The following LMO7 variants were observed in gnomAD, a reference collection of about 807,000 sequenced individuals.
LMO7 encodes the protein LIM domain 7, also known as LIM domain only protein 7.
LMO7 carries 120 observed loss-of-function variants against 206.5 expected under a neutral mutation model. The observed-to-expected ratio is 0.58, with a 90% CI of 0.50 to 0.68. The LOEUF (loss-of-function observed/expected upper bound fraction) is 0.68. Among genes scored for constraint, LMO7 ranks in the 30% least tolerant of loss-of-function variants. The probability of loss-of-function intolerance (pLI) is 0.00; values close to 1 mark genes in which losing one functional copy is unlikely to be tolerated. For synonymous variants in LMO7, 706 were observed against 681.5 expected (o/e 1.04, Z -0.56); for missense variants, 1,959 against 1,957.9 (o/e 1.00, Z -0.01).
chr13:75,655,249 G>C (rs1208674171), intron 1 of LMO7, among the ~76,000 whole-genome samples: 2 of 152,166 alleles, frequency 1.3e-5, no homozygotes, highest in African/African-American at 2.4e-5. Flanking sequence ...TCTAGCTATA[G>C]AAGTTTCAGA....
intron 3 of LMO7, among the ~76,000 whole-genome samples, chr13:75,734,200 G>A (rs553025271): frequency 3.2e-4 from 48 of 152,258 alleles, no homozygotes; most frequent in African/African-American, 1.1e-3. Context: ...AGGATTTTGT[G>A]TATAAAATAT....
chr13:75,731,887 G>C (rs1248304151), intron 3 of LMO7, among the ~76,000 whole-genome samples: 3 of 151,954 alleles, frequency 2.0e-5, no homozygotes, highest in Non-Finnish European at 4.4e-5. Flanking sequence ...CTTCGCTTAT[G>C]AAGCTTAGTT....
At chr13:75,754,139 A>G (rs988674940) in intron 3 of LMO7, among the ~76,000 whole-genome samples, 5 of 152,208 alleles carry the variant, frequency 3.3e-5, no homozygotes, top group African/African-American at 1.2e-4. Context: ...AAACATTTCT[A>G]ATATTTCAAA....
intron 1 of LMO7, among the ~76,000 whole-genome samples, chr13:75,667,205 A>G (rs1161149692): frequency 2.0e-5 from 3 of 152,094 alleles, no homozygotes; most frequent in African/African-American, 4.8e-5. Context: ...TTTTCTGGTT[A>G]TACTTAGTTT....
chr13:75,679,443 G>T (rs112560554), intron 1 of LMO7, among the ~76,000 whole-genome samples: 31 of 152,290 alleles, frequency 2.0e-4, no homozygotes, highest in African/African-American at 7.5e-4. Context: ...ATGGCGGAAG[G>T]GTGTTTTAGC....
At chr13:75,825,164 T>C (rs2057995612) in intron 15 of LMO7, among the ~76,000 whole-genome samples, 2 of 152,162 alleles carry the variant, frequency 1.3e-5, no homozygotes, top group African/African-American at 2.4e-5. Flanking sequence ...TAAATTATCA[T>C]TACATTTTTA....
chr13:75,726,899 T>C (rs911004726), intron 2 of LMO7, 130 bp from the exon 3 acceptor site: 6 of 651,756 alleles, frequency 9.2e-6, no homozygotes, highest in African/African-American at 7.5e-5. Flanking sequence ...ATTTGCTTTT[T>C]GATGGGCTGT....
chr13:75,830,243 G>C (rs2058532117), intron 15 of LMO7, among the ~76,000 whole-genome samples: 1 of 152,146 alleles, frequency 6.6e-6, no homozygotes, highest in African/African-American at 2.4e-5. Flanking sequence ...ATAATTTACT[G>C]TAAGAACCTG....
At chr13:75,739,353 T>A (rs1321353863) in intron 3 of LMO7, among the ~76,000 whole-genome samples, 1 of 152,226 alleles carries the variant, frequency 6.6e-6, no homozygotes, top group African/African-American at 2.4e-5. Flanking sequence ...GAATTGAGCA[T>A]CTTTCAGATT....
chr13:75,807,193 A>G (rs2055635743), intron 9 of LMO7: 1 of 331,488 alleles, frequency 3.0e-6, no homozygotes, highest in Non-Finnish European at 5.6e-6. Flanking sequence ...TGGGAGGGGT[A>G]CCTAGTCCAT....
chr13:75,817,069 G>T, intron 11 of LMO7, 92 bp from the exon 12 acceptor site: 1 of 811,194 alleles, frequency 1.2e-6, no homozygotes. Context: ...TAGAAATTTA[G>T]GTGGAATTTC....
chr13:75,729,536 A>G (rs1320416302), intron 3 of LMO7, among the ~76,000 whole-genome samples: 37 of 151,858 alleles, frequency 2.4e-4, no homozygotes, highest in African/African-American at 8.7e-4. Context: ...GGCTGAGATG[A>G]TGGGGTTTTC....
chr13:75,680,143 G>T (rs1045429930), intron 1 of LMO7, among the ~76,000 whole-genome samples: 30 of 151,972 alleles, frequency 2.0e-4, no homozygotes, highest in African/African-American at 7.3e-4. Context: ...GTGAGAACAT[G>T]CGGTGTTCAG....
Position 75,841,197 on chromosome 13 carries a change from A to G in LMO7, c.3671A>G (p.Asp1224Gly). The change falls in exon 23 of 31, where the codon GAT becomes GGT. Residue 1224 changes from aspartate (D) to glycine (G), a missense_variant. Coordinates refer to ENST00000377534, the MANE Select transcript of LMO7 (RefSeq NM_001306080.2). ...EAERENSKYLDEELMVLSSNS... is the reference protein window; with the variant it reads ...EAERENSKYLGEELMVLSSNS... Reference sequence around the variant, plus strand: ...GAGAGAGAGAATTCCAAGTACTTGGATGAGGTAGTGTTAGAACATGCCTGT... The same window carrying G: ...GAGAGAGAGAATTCCAAGTACTTGGGTGAGGTAGTGTTAGAACATGCCTGT... The G allele has an allele frequency of 2.5e-6, 4 of 1,604,304 alleles. No individual in the cohort carries two copies. The highest frequency in any genetic ancestry group is 3.4e-6 in the Non-Finnish European group (4 of 1,171,340).
At chr13:75,623,252 A>G in intron 1 of LMO7, 2 of 1,274,536 alleles carry the variant, frequency 1.6e-6, no homozygotes, top group Non-Finnish European at 2.3e-6. Flanking sequence ...AACTTTCCTA[A>G]TCATGACTTT....
chr13:75,701,488 T>C (rs1594371854), intron 1 of LMO7, among the ~76,000 whole-genome samples: 1 of 152,340 alleles, frequency 6.6e-6, no homozygotes, highest in Non-Finnish European at 1.5e-5. Context: ...TGAGACTTGC[T>C]AATGTGTGTG....
At chr13:75,769,358 G>A (rs1046814193) in intron 4 of LMO7, among the ~76,000 whole-genome samples, 3 of 151,886 alleles carry the variant, frequency 2.0e-5, no homozygotes, top group African/African-American at 7.3e-5. Context: ...AACCTGGGAG[G>A]CAGGATTCTG....
At chr13:75,841,242 C>A in intron 23 of LMO7, 41 bp downstream of exon 23, 1 of 1,331,450 alleles carries the variant, frequency 7.5e-7, no homozygotes, top group South Asian at 1.2e-5. Flanking sequence ...CTTCTCTTTA[C>A]CTTGTTGGTG....
intron 6 of LMO7, among the ~76,000 whole-genome samples, chr13:75,800,273 A>T (rs1458294819): frequency 4.6e-5 from 7 of 152,160 alleles, no homozygotes; most frequent in African/African-American, 1.4e-4. Context: ...CTCCTTTTGG[A>T]TGACTAAGTT....
Sources: gnomAD v4.1 joint callset for allele counts (sites outside exome capture counted in the v4.1 genomes callset) on GRCh38, gnomAD v4.1.1 for gene constraint, MANE v1.5 for transcripts, NCBI Gene and HGNC (gene_info 2026-07-23, HGNC 2026-07-21) for gene names.